Variants in CNTNAP2 observed in about 807,000 individuals in gnomAD.
CNTNAP2 encodes the protein contactin associated protein 2, also known as contactin-associated protein-like 2.
A neutral mutation model predicts 155.2 loss-of-function variants in CNTNAP2; 98 were observed. The observed-to-expected ratio is 0.63, with a 90% CI of 0.54 to 0.75. The LOEUF is 0.75. Ranked by LOEUF, CNTNAP2 falls within the 30% of genes least tolerant of loss-of-function variation. The pLI, the probability that CNTNAP2 is intolerant of heterozygous loss-of-function variation, is 0.00. For missense variants in CNTNAP2, 1,727 were observed against 1,688.1 expected (o/e 1.02, Z -0.40); for synonymous variants, 651 against 631.2 (o/e 1.03, Z -0.47).
chr7:146,184,483 G>C (rs564047941), intron 1 of CNTNAP2, among the ~76,000 whole-genome samples: 26 of 152,258 alleles, frequency 1.7e-4, no homozygotes, highest in African/African-American at 6.0e-4. Flanking sequence ...AATTACAGTA[G>C]GGATTAATTA....
At chr7:146,552,208 G>A (rs17586129) in intron 1 of CNTNAP2, among the ~76,000 whole-genome samples, 8,389 of 151,958 alleles carry the variant, frequency 0.055, 321 homozygotes, top group Non-Finnish European at 0.088. Flanking sequence ...CTTCCCACAC[G>A]TCAGAAACAA....
chr7:147,932,371 T>C (rs1800521213), intron 14 of CNTNAP2, among the ~76,000 whole-genome samples: 1 of 152,202 alleles, frequency 6.6e-6, no homozygotes, highest in South Asian at 2.1e-4. Context: ...GACAGCTTTA[T>C]AGACCAGTGG....
chr7:146,470,655 C>T (rs1019915563), intron 1 of CNTNAP2, among the ~76,000 whole-genome samples: 6 of 152,076 alleles, frequency 3.9e-5, no homozygotes, highest in South Asian at 2.1e-4. Context: ...CTGCAACCTC[C>T]GCCTCCTGGG....
intron 20 of CNTNAP2, among the ~76,000 whole-genome samples, chr7:148,250,901 G>GCAGT (rs1796353185): frequency 6.6e-6 from 1 of 152,136 alleles, no homozygotes; most frequent in South Asian, 2.1e-4. Flanking sequence ...AGACTGGAGT[G>GCAGT]CAGTCACACA....
intron 20 of CNTNAP2, among the ~76,000 whole-genome samples, chr7:148,257,694 G>A (rs1285242562): frequency 6.6e-6 from 1 of 152,160 alleles, no homozygotes; most frequent in Non-Finnish European, 1.5e-5. Context: ...AAGACTCTCA[G>A]AGCAGAGCAG....
intron 20 of CNTNAP2, among the ~76,000 whole-genome samples, chr7:148,230,493 T>C (rs1795941966): frequency 6.6e-6 from 1 of 152,156 alleles, no homozygotes; most frequent in African/African-American, 2.4e-5. Context: ...GAGTTCAAAA[T>C]AGATGCCTGT....
At chr7:148,051,987 A>G (rs1802900365) in intron 15 of CNTNAP2, among the ~76,000 whole-genome samples, 1 of 152,100 alleles carries the variant, frequency 6.6e-6, no homozygotes, top group Admixed American at 6.6e-5. Context: ...AAAATACAAA[A>G]AATTAGCCGG....
At chr7:148,343,152 C>A (rs1798264254) in intron 21 of CNTNAP2, among the ~76,000 whole-genome samples, 1 of 152,222 alleles carries the variant, frequency 6.6e-6, no homozygotes, top group Non-Finnish European at 1.5e-5. Flanking sequence ...ACTCTCTGTT[C>A]CCAATTTCGT....
chr7:147,669,334 T>C (rs550438095), intron 13 of CNTNAP2, among the ~76,000 whole-genome samples: 1 of 152,142 alleles, frequency 6.6e-6, no homozygotes, highest in Non-Finnish European at 1.5e-5. Context: ...AATGTGAAAA[T>C]CATATTTCAT....
In CNTNAP2 at chr7:147,499,983, G is replaced by A. The variant is rs114461977; in HGVS notation, c.1777+13942G>A. 8.4e-3 allele frequency among the ~76,000 whole-genome samples: 1,274 copies of A among 152,144 alleles called. 22 individuals carry two copies. Among genetic ancestry groups the A allele is most frequent in the African/African-American group, 0.029 (1,222 of 41,506 alleles). On this transcript the variant is annotated intron_variant, in intron 11 of 23. Transcript: ENST00000361727. ...AAGTAGAAATGTATCTATTTTTAAA[G>A]TAATCTTACTTCTTACCTTAGATTT...
intron 3 of CNTNAP2, among the ~76,000 whole-genome samples, chr7:146,861,258 G>T (rs1233564191): frequency 6.6e-6 from 1 of 152,024 alleles, no homozygotes; most frequent in African/African-American, 2.4e-5. Context: ...TCACCATGTT[G>T]TCCAGGCTGG....
At chr7:147,016,118 G>A (rs1345870594) in intron 3 of CNTNAP2, among the ~76,000 whole-genome samples, 1 of 152,040 alleles carries the variant, frequency 6.6e-6, no homozygotes, top group East Asian at 1.9e-4. Flanking sequence ...GAGATTGAAA[G>A]CTGTGCGACT....
intron 3 of CNTNAP2, among the ~76,000 whole-genome samples, chr7:146,956,504 T>C (rs555731571): frequency 6.6e-6 from 1 of 152,300 alleles, no homozygotes; most frequent in South Asian, 2.1e-4. Flanking sequence ...CAGCCAAGTG[T>C]ACATTGCAAT....
chr7:146,220,293 A>C (rs1799185428), intron 1 of CNTNAP2, among the ~76,000 whole-genome samples: 1 of 152,150 alleles, frequency 6.6e-6, no homozygotes, highest in Admixed American at 6.5e-5. Context: ...CATGCTAAAA[A>C]AAAAAATCAC....
intron 8 of CNTNAP2, among the ~76,000 whole-genome samples, chr7:147,282,000 T>C (rs1391470522): frequency 2.6e-5 from 4 of 151,866 alleles, no homozygotes; most frequent in Non-Finnish European, 5.9e-5. Context: ...AGGACCTCCA[T>C]CTTCCAAAAG....
intron 1 of CNTNAP2, among the ~76,000 whole-genome samples, chr7:146,297,691 T>G (rs1800536042): frequency 6.6e-6 from 1 of 152,202 alleles, no homozygotes; most frequent in Non-Finnish European, 1.5e-5. Context: ...CTTTGAAATG[T>G]ATAGTAATTG....
chr7:147,937,170 G>A (rs1585038046), intron 14 of CNTNAP2, among the ~76,000 whole-genome samples: 1 of 152,258 alleles, frequency 6.6e-6, no homozygotes, highest in East Asian at 1.9e-4. Context: ...TCTTGGCTGG[G>A]TTGTGGGAAA....
chr7:147,817,107 G>C (rs1169117790), intron 13 of CNTNAP2, among the ~76,000 whole-genome samples: 1 of 152,080 alleles, frequency 6.6e-6, no homozygotes, highest in Non-Finnish European at 1.5e-5. Flanking sequence ...CAGAATGAAG[G>C]ACATTTTATA....
chr7:146,513,539 CAAAG>C (rs1797498220), intron 1 of CNTNAP2, among the ~76,000 whole-genome samples: 1 of 151,792 alleles, frequency 6.6e-6, no homozygotes, highest in Non-Finnish European at 1.5e-5. Flanking sequence ...ACTTTGATAA[CAAAG>C]AAAAGATACA....
Sources: allele counts gnomAD v4.1 joint callset (sites outside exome capture counted in the v4.1 genomes callset), GRCh38; gene constraint gnomAD v4.1.1; transcripts MANE v1.5; gene names NCBI Gene and HGNC (gene_info 2026-07-23, HGNC 2026-07-21).